The following NBEAL2 variants were observed in gnomAD, a reference collection of about 807,000 sequenced individuals.
NBEAL2 encodes neurobeachin like 2.
A neutral mutation model predicts 299.8 loss-of-function variants in NBEAL2; 160 were observed. The observed-to-expected ratio is 0.53, with a 90% CI of 0.47 to 0.61. The LOEUF is 0.61. NBEAL2 is among the 20% of genes least tolerant of loss of function. NBEAL2 has a pLI of 0.00. For synonymous variants in NBEAL2, 1,493 were observed against 1,542.3 expected (o/e 0.97, Z 0.75); for missense variants, 3,112 against 3,649.0 (o/e 0.85, Z 3.79).
chr3:46,987,590 C>CGGCGG (rs1273213050), intron 1 of NBEAL2, among the ~76,000 whole-genome samples: 9 of 152,160 alleles, frequency 5.9e-5, no homozygotes, highest in African/African-American at 1.9e-4. Context: ...ACATGGCGGG[C>CGGCGG]GGCGGGGCGG....
chr3:46,995,822 A>G lies in NBEAL2; in HGVS notation c.2007A>G (p.Glu669=). 2 of 1,613,834 alleles carry G rather than the reference A, an allele frequency of 1.2e-6. No individual in the cohort carries two copies. The highest frequency in any genetic ancestry group is 1.7e-6 in the Non-Finnish European group (2 of 1,179,874). ...AGTATTTGACCATGAGTTTGCCCGAAGTGTCCTTTGCCGACTCTGCCTGGG... is the reference window on the plus strand; with the variant it reads ...AGTATTTGACCATGAGTTTGCCCGAGGTGTCCTTTGCCGACTCTGCCTGGG... ...RKEYLTMSLP[E]VSFADSAWHC... Residue 669 remains glutamate (E), a synonymous_variant, in exon 14 of 54, where the codon GAA becomes GAG. Transcript: ENST00000450053.
chr3:47,005,681 T>C, intron 41 of NBEAL2, 57 bp from the exon 42 acceptor site: 1 of 1,564,954 alleles, frequency 6.4e-7, no homozygotes, highest in Non-Finnish European at 8.6e-7. Context: ...GATGGTGGAG[T>C]GGCCAGGGGG....
Position 47,004,306 on chromosome 3 carries a change from G to A in NBEAL2, c.6111G>A (p.Ser2037=), listed in dbSNP as rs766515601. The A allele has an allele frequency of 5.0e-6, 8 of 1,612,568 alleles. No homozygotes were observed. The South Asian group carries it at 7.7e-5, about 15-fold the overall frequency. ...PHTQVRNQVY[S]WLLRLRPPSQ... is the part of the protein sequence containing the mutation. ...CCCAGGTACGGAACCAGGTGTACTC[G>A]TGGCTCCTGCGCCTACGGCCCCCCT... Residue 2037 remains serine, a synonymous_variant, in exon 37 of 54, where the codon TCG becomes TCA. Coordinates refer to ENST00000450053, the MANE Select transcript of NBEAL2 (RefSeq NM_015175.3). The surrounding 1 kb of genome is among the most constrained non-coding windows in gnomAD (Gnocchi z 5.0).
chr3:46,996,004 G>A lies in NBEAL2; in HGVS notation c.2104G>A (p.Gly702Ser), dbSNP rs1019290762. Residue 702 changes from glycine to serine, a missense_variant, in exon 15 of 54, where the codon GGC becomes AGC. By Grantham distance (56) the Gly-to-Ser change is moderately conservative (BLOSUM62 0). Transcript: ENST00000450053. The stretch of plus-strand genomic sequence containing the variant: ...GAACCTGGTCCATGTCTACAAAGAC[G>A]GCCATCTGGTCAAGACAGCACCCCT... The part of the protein sequence containing the change: ...SQNLVHVYKD[G>S]HLVKTAPLRC... 17 of 1,612,470 alleles carry A rather than the reference G, an allele frequency of 1.1e-5. No individual in the cohort carries two copies. In the African/African-American group the frequency reaches 1.1e-4, roughly 10 times the overall value.
chr3:47,009,367 C>T lies in NBEAL2; in HGVS notation c.*47C>T, dbSNP rs1306711945. The T allele has an allele frequency of 1.3e-6, 2 of 1,525,224 alleles. No homozygotes were observed. The highest frequency in any genetic ancestry group is 2.0e-5 in the Admixed American group (1 of 50,398). 94.5% of individuals were successfully genotyped at this position (1,525,224 alleles called of 1,614,324 possible). ...GGGCCCCGCCCCCGGCAGGCCTGGC[C>T]CGGGAGGCCCCGCCCAGAAGTCGGC... On this transcript the variant is annotated 3_prime_UTR_variant, in exon 54 of 54. Transcript: ENST00000450053.
At chr3:46,984,166 C>T (rs1037761251) in intron 1 of NBEAL2, among the ~76,000 whole-genome samples, 6 of 151,170 alleles carry the variant, frequency 4.0e-5, no homozygotes, top group African/African-American at 9.7e-5. Context: ...ATTAGCCAGG[C>T]GTGATGGCGA....
Position 47,001,726 on chromosome 3 carries a change from G to T in NBEAL2, c.4682G>T (p.Gly1561Val), listed in dbSNP as rs781686119. 2 of 1,613,878 alleles carry T rather than the reference G, an allele frequency of 1.2e-6. No homozygotes were observed. The highest frequency in any genetic ancestry group is 2.7e-5 in the African/African-American group (2 of 75,054). ...EGVCSLLDRL[G>V]AWPHLANGTA... The stretch of plus-strand genomic sequence containing the variant: ...GTATGCAGCCTACTTGATCGCCTGG[G>T]AGCCTGGCCCCACCTGGCCAACGGC... The change falls in exon 30 of 54, where the codon GGA becomes GTA. Residue 1561 changes from glycine to valine, a missense_variant. Physicochemically the swap from Gly to Val is moderately radical, Grantham distance 109. This residue lies in a region of NBEAL2 where 2,243 missense variants were observed against 2,538.1 expected (regional missense o/e 0.88). Coordinates refer to ENST00000450053, the MANE Select transcript of NBEAL2 (RefSeq NM_015175.3). The surrounding 1 kb of genome is among the most constrained non-coding windows in gnomAD (Gnocchi z 6.1).
Position 46,996,275 on chromosome 3 carries a change from TCTC to T in NBEAL2, c.2162_2164del (p.Ser721del). 2.5e-6 allele frequency: 4 copies of T among 1,606,302 alleles called. No homozygotes were observed. Among genetic ancestry groups the T allele is most frequent in the Non-Finnish European group, 3.4e-6 (4 of 1,179,784 alleles). On this transcript the variant is annotated inframe_deletion, in exon 16 of 54. Transcript: ENST00000450053. ...CCCCCAACCCCGGCCCCACAGCCTT[TCTC>T]CTCCTGCTGTATCGGCTCCGCTGGA...
rs765268030 is a variant in NBEAL2, at chr3:47,001,207, G to A, written c.4484+28G>A. ...GAGAGGGAAAGTCTGGAGGGGGAGG[G>A]GCTTCAGGAAGCCTCGGGGGAAGGA... On this transcript the variant is annotated intron_variant, in intron 28 of 53. Coordinates refer to ENST00000450053, the MANE Select transcript of NBEAL2 (RefSeq NM_015175.3). The surrounding 1 kb of genome is among the most constrained non-coding windows in gnomAD (Gnocchi z 6.1). The A allele has an allele frequency of 1.7e-5, 28 of 1,603,332 alleles. No individual in the cohort carries two copies. Among genetic ancestry groups the A allele is most frequent in the Non-Finnish European group, 2.3e-5 (27 of 1,172,370 alleles).
rs746097842 is a variant in NBEAL2, at chr3:46,991,841, C to A, written c.927C>A (p.Asp309Glu). ...GCCTGACCCTTGACCCTTCCACAGA[C>A]GCCATCCCCATGATGCTGGCATGTG... The part of the protein sequence containing the change: ...ALVTLRVSML[D>E]AIPMMLACED... The change falls in exon 9 of 54, where the codon GAC (aspartate) becomes GAA (glutamate). Residue 309 changes from aspartate (D) to glutamate (E), a missense_variant and splice_region_variant. Around this residue, in one of 3 missense-constraint regions of NBEAL2, gnomAD observed 2,243 missense variants for 2,538.1 expected, o/e 0.88. Transcript: ENST00000450053. The surrounding 1 kb of genome is among the most constrained non-coding windows in gnomAD (Gnocchi z 6.2). 1 of 1,592,912 alleles carries A rather than the reference C, an allele frequency of 6.3e-7. No homozygotes were observed.
intron 46 of NBEAL2, 31 bp downstream of exon 46, chr3:47,007,186 C>T (rs2037509561): frequency 1.2e-6 from 2 of 1,611,342 alleles, no homozygotes; most frequent in African/African-American, 1.3e-5. Flanking sequence ...CCCAGCTCAG[C>T]TCCACTCCCC....
chr3:46,992,619 A>G (rs2036191166), intron 10 of NBEAL2, 64 bp downstream of exon 10: 1 of 1,434,328 alleles, frequency 7.0e-7, no homozygotes, highest in Admixed American at 2.0e-5. Context: ...CTTTTCCTGC[A>G]CTATAGCTGG....
rs2037637002 is a variant in NBEAL2, at chr3:47,008,514, C to T, written c.7879-6C>T. 6.2e-7 allele frequency: 1 copy of T among 1,612,026 alleles called. No individual in the cohort carries two copies. The highest frequency in any genetic ancestry group is 1.1e-5 in the South Asian group (1 of 91,076). On this transcript the variant is annotated splice_polypyrimidine_tract_variant and splice_region_variant and intron_variant, in intron 51 of 53. Transcript: ENST00000450053. Reference sequence around the variant, plus strand: ...TGTCCTTGCTGACACTCCCTGCTTCCTCCAGGTCACCTACTCCTTGCACCT... The same window carrying T: ...TGTCCTTGCTGACACTCCCTGCTTCTTCCAGGTCACCTACTCCTTGCACCT...
At position 46,998,549 on chromosome 3, in the gene NBEAL2, C is replaced by G. The variant is rs768445676; in HGVS notation, c.3205C>G (p.Leu1069Val). 1.9e-6 allele frequency: 3 copies of G among 1,611,408 alleles called. No homozygotes were observed. Among genetic ancestry groups the G allele is most frequent in the African/African-American group, 1.3e-5 (1 of 75,016 alleles). Residue 1069 changes from leucine to valine, a missense_variant, in exon 22 of 54, where the codon CTG (leucine) becomes GTG (valine). By Grantham distance (32) the Leu-to-Val change is conservative. Around this residue, in one of 3 missense-constraint regions of NBEAL2, gnomAD observed 2,243 missense variants for 2,538.1 expected, o/e 0.88. Transcript: ENST00000450053. ...CGGCGTCCAGTTTATCTTGGATGCTCTGCGCACCCACTACAGGTGAGGCCA... is the reference window on the plus strand; with the variant it reads ...CGGCGTCCAGTTTATCTTGGATGCTGTGCGCACCCACTACAGGTGAGGCCA... The part of the protein sequence containing the change: ...KYGVQFILDA[L>V]RTHYSPQRER...
Position 47,005,975 on chromosome 3 carries a change from C to A in NBEAL2, c.6831C>A (p.His2277Gln), listed in dbSNP as rs779972608. The A allele has an allele frequency of 7.4e-6, 12 of 1,613,642 alleles. No homozygotes were observed. Among genetic ancestry groups the A allele is most frequent in the Non-Finnish European group, 1.0e-5 (12 of 1,179,900 alleles). The change falls in exon 43 of 54, where the codon CAC becomes CAA. Residue 2277 changes from histidine (H) to glutamine (Q), a missense_variant. His to Gln is a conservative substitution (Grantham distance 24). This residue lies in a region of NBEAL2 where 521 missense variants were observed against 729.6 expected (regional missense o/e 0.71). Transcript: ENST00000450053. ...CGGAGTATGTGTCTGCACACCTACACGAGTGGATCGACCTCATCTTTGGCT... is the reference window on the plus strand; with the variant it reads ...CGGAGTATGTGTCTGCACACCTACAAGAGTGGATCGACCTCATCTTTGGCT... ...LESEYVSAHL[H>Q]EWIDLIFGYK...
rs1315579259 is a variant in NBEAL2, at chr3:46,988,389, G to A, written c.52-280G>A. ...ACCTGCCTAGGACTGCAGGCATTAGGGAGGTGGGAGCAGAAACTGGGAGGC... is the reference window on the plus strand; with the variant it reads ...ACCTGCCTAGGACTGCAGGCATTAGAGAGGTGGGAGCAGAAACTGGGAGGC... On this transcript the variant is annotated intron_variant, in intron 1 of 53. Transcript: ENST00000450053. The surrounding 1 kb of genome is among the most constrained non-coding windows in gnomAD (Gnocchi z 4.4). 2.0e-5 allele frequency among the ~76,000 whole-genome samples: 3 copies of A among 152,162 alleles called. No homozygotes were observed. The highest frequency in any genetic ancestry group is 7.2e-5 in the African/African-American group (3 of 41,428).
Position 46,991,893 on chromosome 3 carries a change from T to G in NBEAL2, c.979T>G (p.Phe327Val). Residue 327 changes from phenylalanine to valine, a missense_variant, in exon 9 of 54, where the codon TTC (phenylalanine) becomes GTC (valine). By Grantham distance (50) the Phe-to-Val change is conservative (BLOSUM62 -1). This residue lies in a region of NBEAL2 where 2,243 missense variants were observed against 2,538.1 expected (regional missense o/e 0.88). Transcript: ENST00000450053. This position sits in a 1 kb window ranked among gnomAD's most constrained non-coding sequence, Gnocchi z 6.2. ...AGACCGGCCAGTGCTGCAAGCCACC[T>G]TCCTCAGCAACAATTGCTTTGAACA... is the stretch of plus-strand genomic sequence containing the variant. The part of the protein sequence containing the change: ...CEDRPVLQAT[F>V]LSNNCFEHLT... 1 of 1,604,450 alleles carries G rather than the reference T, an allele frequency of 6.2e-7. No homozygotes were observed. The highest frequency in any genetic ancestry group is 8.5e-7 in the Non-Finnish European group (1 of 1,175,656).
In NBEAL2 at chr3:46,989,392, GCCCACAGGAAGGGAA is replaced by G; in HGVS notation, c.473+16_473+30del. ...GCGCCAGCGCAGTGGGTGAGACCCA[GCCCACAGGAAGGGAA>G]CCCAGAGGAGGGTGGGGAGAGGATG... On this transcript the variant is annotated intron_variant, in intron 5 of 53. Coordinates refer to ENST00000450053, the MANE Select transcript of NBEAL2 (RefSeq NM_015175.3). This position sits in a 1 kb window ranked among gnomAD's most constrained non-coding sequence, Gnocchi z 5.5. The G allele has an allele frequency of 6.4e-7, 1 of 1,573,546 alleles. No homozygotes were observed. The highest frequency in any genetic ancestry group is 8.6e-7 in the Non-Finnish European group (1 of 1,159,474).
chr3:47,006,754 G>C (rs534629635), intron 45 of NBEAL2, among the ~76,000 whole-genome samples: 1 of 152,250 alleles, frequency 6.6e-6, no homozygotes, highest in South Asian at 2.1e-4. Flanking sequence ...CCCCAGGCCT[G>C]ACTTTTTTTT....
Sources: allele counts gnomAD v4.1 joint callset (sites outside exome capture counted in the v4.1 genomes callset), GRCh38; gene constraint gnomAD v4.1.1; regional missense constraint gnomAD v4.1.1; non-coding constraint Gnocchi (gnomAD v3.1); transcripts MANE v1.5; gene names NCBI Gene and HGNC (gene_info 2026-07-23, HGNC 2026-07-21).